Variants in PPP2R5B observed in about 807,000 individuals in gnomAD.
The protein encoded by PPP2R5B is protein phosphatase 2 regulatory subunit B'beta.
A neutral mutation model predicts 59.9 loss-of-function variants in PPP2R5B; 19 were observed. The ratio of observed to expected loss-of-function variants is 0.32; its 90% CI spans 0.22 to 0.47. PPP2R5B has a LOEUF of 0.47. Among genes scored for constraint, PPP2R5B ranks in the 20% least tolerant of loss-of-function variants. The pLI, the probability that PPP2R5B is intolerant of heterozygous loss-of-function variation, is 1.00. For missense variants in PPP2R5B, 441 were observed against 640.2 expected (o/e 0.69, Z 3.36); for synonymous variants, 286 against 260.5 (o/e 1.10, Z -0.94).
intron 8 of PPP2R5B, 38 bp downstream of exon 8, chr11:64,930,627 C>T (rs776271951): frequency 1.3e-6 from 2 of 1,566,466 alleles, no homozygotes; most frequent in Middle Eastern, 1.7e-4. Context: ...GCAGGAGCTC[C>T]AGACAGTCAG....
At chr11:64,920,226 C>T (rs1194815524), upstream of PPP2R5B, among the ~76,000 whole-genome samples, 2 of 152,210 alleles carry the variant, frequency 1.3e-5, no homozygotes, top group Admixed American at 6.5e-5. Context: ...TTCTAGGCCC[C>T]TGGAGCCACT....
At chr11:64,927,007 C>T (rs929116270) in intron 3 of PPP2R5B, 99 bp downstream of exon 3, 2 of 1,399,884 alleles carry the variant, frequency 1.4e-6, no homozygotes, top group Admixed American at 2.2e-5. Flanking sequence ...ACCCTGTACT[C>T]ATCGGCTTGG....
chr11:64,926,178 G>A (rs1945161961), intron 2 of PPP2R5B, among the ~76,000 whole-genome samples: 1 of 152,218 alleles, frequency 6.6e-6, no homozygotes, highest in Non-Finnish European at 1.5e-5. Context: ...GCAGACCAAG[G>A]CCAAGGGTGG....
rs972607175 is a variant in PPP2R5B at position 64,932,877 on chromosome 11, A to C, written c.1229A>C (p.Lys410Thr). Residue 410 changes from lysine to threonine, a missense_variant, in exon 12 of 14, where the codon AAG (lysine) becomes ACG (threonine). By Grantham distance (78) the Lys-to-Thr change is moderately conservative. Around this residue, in one of 3 missense-constraint regions of PPP2R5B, gnomAD observed 268 missense variants for 488.1 expected, o/e 0.55. Coordinates refer to ENST00000164133, the MANE Select transcript of PPP2R5B (RefSeq NM_006244.4). ...AVFGTLYQVSKEHWNQTIVSL... is the reference protein window; with the variant it reads ...AVFGTLYQVSTEHWNQTIVSL... ...TTTGGGACCCTCTACCAAGTCTCCAAGGAGCACTGGAACCAGTGAGTGCCA... is the reference window on the plus strand; with the variant it reads ...TTTGGGACCCTCTACCAAGTCTCCACGGAGCACTGGAACCAGTGAGTGCCA... 1.2e-6 allele frequency: 2 copies of C among 1,614,112 alleles called. No individual in the cohort carries two copies. The highest frequency in any genetic ancestry group is 1.3e-5 in the African/African-American group (1 of 75,038).
rs908346056 is a variant in PPP2R5B at position 64,931,051 on chromosome 11, AT to A, written c.892-375del. 2.0e-5 allele frequency among the ~76,000 whole-genome samples: 3 copies of A among 149,972 alleles called. No individual in the cohort carries two copies. Among genetic ancestry groups the A allele is most frequent in the Non-Finnish European group, 4.5e-5 (3 of 67,388 alleles). On this transcript the variant is annotated intron_variant, in intron 8 of 13. Coordinates refer to ENST00000164133, the MANE Select transcript of PPP2R5B (RefSeq NM_006244.4). This position sits in a 1 kb window ranked among gnomAD's most constrained non-coding sequence, Gnocchi z 5.0. ...CCACATGCCTGGCTAATTAAAAAAA[AT>A]TTTTTTTTTGTAGAGACAGTGTCTT...
rs1203121689 is a variant in PPP2R5B, at chr11:64,931,160, C to T, written c.892-276C>T. Among the ~76,000 whole-genome samples the T allele has an allele frequency of 6.6e-6, 1 of 152,176 alleles. No individual in the cohort carries two copies. The highest frequency in any genetic ancestry group is 2.1e-4 in the South Asian group (1 of 4,818). ...CCTCCCAAAGTGCTTGGATTACAGGCGTGAGCCACCACACTAGCCATATTA... is the reference window on the plus strand; with the variant it reads ...CCTCCCAAAGTGCTTGGATTACAGGTGTGAGCCACCACACTAGCCATATTA... On this transcript the variant is annotated intron_variant, in intron 8 of 13. Coordinates refer to ENST00000164133, the MANE Select transcript of PPP2R5B (RefSeq NM_006244.4). This position sits in a 1 kb window ranked among gnomAD's most constrained non-coding sequence, Gnocchi z 5.0.
chr11:64,923,996 A>AG (rs1407316821), upstream of PPP2R5B, among the ~76,000 whole-genome samples: 4 of 152,174 alleles, frequency 2.6e-5, no homozygotes, highest in African/African-American at 9.7e-5. Context: ...CTTAGGGTCC[A>AG]GGGGGGCTGA....
chr11:64,931,836 G>A lies in PPP2R5B; in HGVS notation c.1084G>A (p.Val362Met). 4 of 1,614,150 alleles carry A rather than the reference G, an allele frequency of 2.5e-6. No homozygotes were observed. The highest frequency in any genetic ancestry group is 3.4e-6 in the Non-Finnish European group (4 of 1,180,040). The stretch of plus-strand genomic sequence containing the variant: ...GATCCAGGAGCCCCTTTTTAAGCAG[G>A]TGGCTCGCTGTGTTTCCAGCCCCCA... The part of the protein sequence containing the change: ...VKIQEPLFKQ[V>M]ARCVSSPHFQ... The change falls in exon 11 of 14, where the codon GTG becomes ATG. Residue 362 changes from valine (V) to methionine (M), a missense_variant. Around this residue, in one of 3 missense-constraint regions of PPP2R5B, gnomAD observed 268 missense variants for 488.1 expected, o/e 0.55. Transcript: ENST00000164133. The surrounding 1 kb of genome is among the most constrained non-coding windows in gnomAD (Gnocchi z 5.0).
In PPP2R5B at chr11:64,931,962, T is replaced by C. The variant is rs966449116; in HGVS notation, c.1116+94T>C. 3.3e-6 allele frequency: 5 copies of C among 1,530,644 alleles called. No homozygotes were observed. The highest frequency in any genetic ancestry group is 2.8e-5 in the African/African-American group (2 of 72,356). The allele number at this position is 1,530,644 out of a possible 1,614,324, so 94.8% of individuals were successfully genotyped here. On this transcript the variant is annotated intron_variant, in intron 11 of 13. Coordinates refer to ENST00000164133, the MANE Select transcript of PPP2R5B (RefSeq NM_006244.4). The surrounding 1 kb of genome is among the most constrained non-coding windows in gnomAD (Gnocchi z 5.0). ...AGCTCCCTTTGCCCTCAGTTTCTCC[T>C]CCAATCCCGGGTCTGGTAATGGGGA...
At chr11:64,927,770 T>G in intron 3 of PPP2R5B, 32 bp from the exon 4 acceptor site, 1 of 1,516,400 alleles carries the variant, frequency 6.6e-7, no homozygotes, top group Non-Finnish European at 9.2e-7. Flanking sequence ...TTCAAGGGCT[T>G]TTCCTTAATG....
intron 12 of PPP2R5B, 125 bp downstream of exon 12, chr11:64,933,017 G>A (rs1945244364): frequency 3.3e-6 from 5 of 1,513,862 alleles, no homozygotes; most frequent in Non-Finnish European, 3.6e-6. Context: ...GCCCAGGGGT[G>A]GTGAAAAGGA....
chr11:64,922,111 C>G (rs1797265438), upstream of PPP2R5B, among the ~76,000 whole-genome samples: 2 of 151,726 alleles, frequency 1.3e-5, no homozygotes, highest in South Asian at 4.2e-4. Flanking sequence ...GGGACTGAGG[C>G]TGAGGTGGGA....
rs1335764484 is a variant in PPP2R5B, at chr11:64,933,990, T to TG, written c.*152dup. The TG allele has an allele frequency of 3.9e-6, 4 of 1,030,204 alleles. No individual in the cohort carries two copies. The highest frequency in any genetic ancestry group is 5.2e-6 in the Non-Finnish European group (4 of 761,996). 63.8% of individuals were successfully genotyped at this position (1,030,204 alleles called of 1,614,324 possible). A position where few individuals can be genotyped will look rare whatever the true frequency, so the allele number is the denominator to read the frequency against. On this transcript the variant is annotated 3_prime_UTR_variant, in exon 14 of 14. Transcript: ENST00000164133. ...ACTCCCTGCCCAGCCCAGCTTTCAC[T>TG]GGGGGGAGACGAGGAGAGGCAATGG...
rs113839204 is a variant in PPP2R5B at position 64,926,500 on chromosome 11, T to C, written c.200-212T>C. ...CTCAGGCCATCATACTCTCTGAGCCTGGATTAGGAGGAAGAAAAGCAACCC... is the reference window on the plus strand; with the variant it reads ...CTCAGGCCATCATACTCTCTGAGCCCGGATTAGGAGGAAGAAAAGCAACCC... On this transcript the variant is annotated intron_variant, in intron 2 of 13. Coordinates refer to ENST00000164133, the MANE Select transcript of PPP2R5B (RefSeq NM_006244.4). 8.9e-3 allele frequency among the ~76,000 whole-genome samples: 1,356 copies of C among 152,330 alleles called. 20 individuals are homozygous for C. Among genetic ancestry groups the C allele is most frequent in the African/African-American group, 0.03 (1,246 of 41,576 alleles).
At position 64,931,459 on chromosome 11, in the gene PPP2R5B, C is replaced by G; in HGVS notation, c.915C>G (p.Phe305Leu). ...HAQLAYCVVQ[F>L]LEKDATLTEH... is the part of the protein sequence containing the mutation. ...AGCTGGCATACTGTGTGGTGCAGTT[C>G]CTGGAGAAGGATGCCACTCTGACAG... Residue 305 changes from phenylalanine to leucine, a missense_variant, in exon 9 of 14, where the codon TTC (phenylalanine) becomes TTG (leucine). Physicochemically the swap from Phe to Leu is conservative, Grantham distance 22. This residue lies in a region of PPP2R5B where 268 missense variants were observed against 488.1 expected (regional missense o/e 0.55). Transcript: ENST00000164133. The surrounding 1 kb of genome is among the most constrained non-coding windows in gnomAD (Gnocchi z 5.0). 1 of 1,614,136 alleles carries G rather than the reference C, an allele frequency of 6.2e-7. No individual in the cohort carries two copies. Among genetic ancestry groups the G allele is most frequent in the Non-Finnish European group, 8.5e-7 (1 of 1,180,020 alleles).
Position 64,925,774 on chromosome 11 carries a change from C to A in PPP2R5B, c.40C>A (p.Pro14Thr). ...GCCCCCTGCAAGCACCCCCACTAGCCCCTCCTCCCCCGGGCTGTCGCCTGT... is the reference window on the plus strand; with the variant it reads ...GCCCCCTGCAAGCACCCCCACTAGCACCTCCTCCCCCGGGCTGTCGCCTGT... ...KLPPASTPTS[P>T]SSPGLSPVPP... Residue 14 changes from proline (P) to threonine (T), a missense_variant, in exon 2 of 14, where the codon CCC becomes ACC. Pro to Thr is a conservative substitution (Grantham distance 38). Coordinates refer to ENST00000164133, the MANE Select transcript of PPP2R5B (RefSeq NM_006244.4). The surrounding 1 kb of genome is among the most constrained non-coding windows in gnomAD (Gnocchi z 4.6). 1 of 1,588,394 alleles carries A rather than the reference C, an allele frequency of 6.3e-7. No individual in the cohort carries two copies. Among genetic ancestry groups the A allele is most frequent in the South Asian group, 1.1e-5 (1 of 89,146 alleles).
At chr11:64,917,702 A>T (rs1257842116) in intron 1 of PPP2R5B, 1 of 152,510 alleles carries the variant, frequency 6.6e-6, no homozygotes, top group Non-Finnish European at 1.5e-5. Flanking sequence ...GAGCCCTCTT[A>T]ATAATCGCTC....
At position 64,925,817 on chromosome 11, in the gene PPP2R5B, T is replaced by G; in HGVS notation, c.83T>G (p.Val28Gly). 6.3e-7 allele frequency: 1 copy of G among 1,587,736 alleles called. No homozygotes were observed. The highest frequency in any genetic ancestry group is 8.6e-7 in the Non-Finnish European group (1 of 1,168,588). Residue 28 changes from valine to glycine, a missense_variant, in exon 2 of 14, where the codon GTG becomes GGG. By Grantham distance (109) the Val-to-Gly change is moderately radical. Around this residue, in one of 3 missense-constraint regions of PPP2R5B, gnomAD observed 103 missense variants for 87.9 expected, o/e 1.17. Coordinates refer to ENST00000164133, the MANE Select transcript of PPP2R5B (RefSeq NM_006244.4). The surrounding 1 kb of genome is among the most constrained non-coding windows in gnomAD (Gnocchi z 4.6). ...TCGCCTGTGCCCCCACCCGACAAGG[T>G]GGACGGCTTCTCCCGCCGTTCCCTC... ...GLSPVPPPDK[V>G]DGFSRRSLRR...
upstream of PPP2R5B, among the ~76,000 whole-genome samples, chr11:64,922,018 G>A (rs1233039231): frequency 6.6e-6 from 1 of 152,014 alleles, no homozygotes; most frequent in Non-Finnish European, 1.5e-5. Context: ...ACCAGTCTGG[G>A]CAACATAGCA....
Sources: gnomAD v4.1 joint callset for allele counts (sites outside exome capture counted in the v4.1 genomes callset) on GRCh38, gnomAD v4.1.1 for gene constraint, gnomAD v4.1.1 regional missense constraint, Gnocchi (gnomAD v3.1) non-coding constraint, MANE v1.5 for transcripts, NCBI Gene and HGNC (gene_info 2026-07-23, HGNC 2026-07-21) for gene names.